Variants in GMPR observed in about 807,000 individuals in gnomAD.
GMPR encodes guanosine monophosphate reductase.
A neutral mutation model predicts 38.4 loss-of-function variants in GMPR; 31 were observed. The observed-to-expected ratio is 0.81, with a 90% CI of 0.61 to 1.09. GMPR has a LOEUF of 1.09. Ranked by LOEUF, GMPR falls within the 50% of genes least tolerant of loss-of-function variation. The pLI, the probability that GMPR is intolerant of heterozygous loss-of-function variation, is 0.00. For synonymous variants in GMPR, 162 were observed against 173.3 expected, an observed-to-expected ratio of 0.93 and a Z score of 0.51; for missense variants, 468 against 453.7, an observed-to-expected ratio of 1.03 and a Z score of -0.29.
At chr6:16,265,791 C>G (rs912750311) in intron 4 of GMPR, among the ~76,000 whole-genome samples, 4 of 152,224 alleles carry the variant, frequency 2.6e-5, no homozygotes, top group Non-Finnish European at 4.4e-5. Context: ...CTGGAGCCAG[C>G]CCGGATAACC....
intron 5 of GMPR, among the ~76,000 whole-genome samples, chr6:16,278,582 C>T (rs747986451): frequency 4.6e-5 from 7 of 152,056 alleles, no homozygotes; most frequent in African/African-American, 1.5e-4. Flanking sequence ...TGATGAGGAC[C>T]GGAGGGGGTG....
intron 1 of GMPR, among the ~76,000 whole-genome samples, chr6:16,246,107 A>C (rs1758750788): frequency 6.6e-6 from 1 of 152,140 alleles, no homozygotes; most frequent in Non-Finnish European, 1.5e-5. Flanking sequence ...TCAGAGAAGT[A>C]ATTCGGACTC....
chr6:16,282,374 T>C (rs1181714918), intron 6 of GMPR, among the ~76,000 whole-genome samples: 3 of 152,256 alleles, frequency 2.0e-5, no homozygotes, highest in Non-Finnish European at 4.4e-5. Context: ...TAATCTTTTT[T>C]TTTGAGTCTG....
intron 7 of GMPR, 28 bp from the exon 8 acceptor site, chr6:16,290,434 C>A: frequency 6.2e-7 from 1 of 1,608,182 alleles, no homozygotes; most frequent in Non-Finnish European, 8.5e-7. Flanking sequence ...CTCTGCTACT[C>A]GCTTTCATCC....
chr6:16,270,251 G>A (rs974176899), intron 4 of GMPR, among the ~76,000 whole-genome samples: 2 of 152,148 alleles, frequency 1.3e-5, no homozygotes, highest in African/African-American at 4.8e-5. Context: ...AAACATGCTT[G>A]GCTTCCCTAG....
intron 7 of GMPR, among the ~76,000 whole-genome samples, chr6:16,289,333 G>A (rs1251111517): frequency 1.3e-5 from 2 of 152,232 alleles, no homozygotes; most frequent in African/African-American, 2.4e-5. Flanking sequence ...CAGTTCCTTA[G>A]TTAATAGGCA....
intron 5 of GMPR, among the ~76,000 whole-genome samples, chr6:16,277,385 G>T (rs529300741): frequency 2.0e-5 from 3 of 152,156 alleles, no homozygotes; most frequent in Non-Finnish European, 2.9e-5. Context: ...GCCAGGAGCC[G>T]GAGATTAGGC....
intron 8 of GMPR, among the ~76,000 whole-genome samples, chr6:16,291,573 C>T (rs966414422): frequency 2.0e-5 from 3 of 152,024 alleles, no homozygotes; most frequent in South Asian, 2.1e-4. Flanking sequence ...TGGGTCTTTT[C>T]CTGATTCCCT....
At chr6:16,266,637 C>G (rs531772984) in intron 4 of GMPR, among the ~76,000 whole-genome samples, 1 of 151,418 alleles carries the variant, frequency 6.6e-6, no homozygotes, top group Non-Finnish European at 1.5e-5. Flanking sequence ...CCCATCTCTA[C>G]TAAAAGTACA....
chr6:16,260,035 G>T lies in GMPR; in HGVS notation c.465+5300G>T, dbSNP rs543484794. Among the ~76,000 whole-genome samples the T allele has an allele frequency of 5.3e-5, 8 of 151,076 alleles. No homozygotes were observed. The South Asian group carries it at 1.7e-3, about 31-fold the overall frequency. On this transcript the variant is annotated intron_variant, in intron 4 of 8. Transcript: ENST00000259727. ...ACAGTCTAAGTTGGTCTGGTGTCTGGAATGAGACTGGGGCCTAATAAAAAG... is the reference window on the plus strand; with the variant it reads ...ACAGTCTAAGTTGGTCTGGTGTCTGTAATGAGACTGGGGCCTAATAAAAAG...
At chr6:16,289,202 C>T (rs900095755) in intron 7 of GMPR, among the ~76,000 whole-genome samples, 1 of 152,196 alleles carries the variant, frequency 6.6e-6, no homozygotes, top group East Asian at 1.9e-4. Context: ...ACCCCAACCC[C>T]ACCAGAAGGA....
At chr6:16,265,229 A>C (rs1759170326) in intron 4 of GMPR, among the ~76,000 whole-genome samples, 1 of 152,258 alleles carries the variant, frequency 6.6e-6, no homozygotes, top group South Asian at 2.1e-4. Context: ...CTGAAATTAC[A>C]GGCATGAATC....
intron 4 of GMPR, among the ~76,000 whole-genome samples, chr6:16,271,454 C>T (rs1759384282): frequency 1.3e-5 from 2 of 152,188 alleles, no homozygotes. Flanking sequence ...CCATTGCACT[C>T]CCGTCTGGGA....
intron 4 of GMPR, among the ~76,000 whole-genome samples, chr6:16,268,282 C>T (rs758388072): frequency 3.9e-5 from 6 of 152,170 alleles, no homozygotes; most frequent in Non-Finnish European, 7.3e-5. Context: ...ACATTTTCCA[C>T]GTGCTTGGGA....
chr6:16,252,844 T>G (rs937283910), intron 3 of GMPR, among the ~76,000 whole-genome samples: 1 of 152,172 alleles, frequency 6.6e-6, no homozygotes, highest in African/African-American at 2.4e-5. Context: ...CAGGCGTGAA[T>G]GCACAGAGAA....
chr6:16,261,611 G>A (rs1226295375), intron 4 of GMPR, among the ~76,000 whole-genome samples: 1 of 151,998 alleles, frequency 6.6e-6, no homozygotes, highest in Admixed American at 6.6e-5. Context: ...TGTAAGGCTT[G>A]TCTGGTTTTA....
intron 4 of GMPR, among the ~76,000 whole-genome samples, chr6:16,257,811 C>T (rs1001087847): frequency 6.6e-6 from 1 of 152,160 alleles, no homozygotes; most frequent in Non-Finnish European, 1.5e-5. Context: ...GGGCACTAAT[C>T]GCATTCATGA....
intron 3 of GMPR, among the ~76,000 whole-genome samples, chr6:16,251,867 C>A (rs905684192): frequency 7.2e-5 from 11 of 152,030 alleles, no homozygotes; most frequent in South Asian, 2.1e-4. Flanking sequence ...TAAAAAAAAA[C>A]AACAGAAAGC....
At chr6:16,243,909 G>A (rs1758706089) in intron 1 of GMPR, among the ~76,000 whole-genome samples, 3 of 152,192 alleles carry the variant, frequency 2.0e-5, no homozygotes, top group African/African-American at 7.2e-5. Flanking sequence ...ACCCAGAGTG[G>A]CTAAGTGGCA....
Sources: gnomAD v4.1 joint callset for allele counts (sites outside exome capture counted in the v4.1 genomes callset) on GRCh38, gnomAD v4.1.1 for gene constraint, MANE v1.5 for transcripts, NCBI Gene and HGNC (gene_info 2026-07-23, HGNC 2026-07-21) for gene names.